The following CACNA2D1 variants were observed in gnomAD, a reference collection of about 807,000 sequenced individuals.
CACNA2D1 encodes calcium voltage-gated channel auxiliary subunit alpha2delta 1.
Under a neutral mutation model 171.5 loss-of-function variants are expected in CACNA2D1, and 53 were observed. The ratio of observed to expected loss-of-function variants is 0.31; its 90% CI spans 0.25 to 0.39. The LOEUF (loss-of-function observed/expected upper bound fraction) is 0.39, where lower values mean the gene tolerates loss of function less well. Among genes scored for constraint, CACNA2D1 ranks in the 10% least tolerant of loss-of-function variants. CACNA2D1 has a pLI of 1.00. For synonymous variants in CACNA2D1, 442 were observed against 443.1 expected (o/e 1.00, Z 0.03); for missense variants, 903 against 1,299.8 (o/e 0.69, Z 4.69).
In CACNA2D1 at chr7:82,133,055, A is replaced by T. The variant is rs184179085; in HGVS notation, c.396+3580T>A. On this transcript the variant is annotated intron_variant, in intron 5 of 38. Transcript: ENST00000356860. ...TGATAATTTATTGGTTTTTTATTTT[A>T]TAAAGCATTCTACAAGTAGAATTAT... Among the ~76,000 whole-genome samples, 418 of 152,274 alleles carry T rather than the reference A, an allele frequency of 2.7e-3. 3 individuals are homozygous for T. Among genetic ancestry groups the T allele is most frequent in the African/African-American group, 9.4e-3 (391 of 41,572 alleles).
At chr7:82,030,412 A>G (rs560034642) in intron 12 of CACNA2D1, among the ~76,000 whole-genome samples, 1 of 151,406 alleles carries the variant, frequency 6.6e-6, no homozygotes, top group Non-Finnish European at 1.5e-5. Flanking sequence ...AACAGGAAAA[A>G]AAAAAACAAA....
At chr7:82,164,765 T>C (rs1160498447) in intron 4 of CACNA2D1, among the ~76,000 whole-genome samples, 1 of 152,044 alleles carries the variant, frequency 6.6e-6, no homozygotes, top group Non-Finnish European at 1.5e-5. Flanking sequence ...GTAAATCTTC[T>C]TAGATTATGC....
intron 3 of CACNA2D1, among the ~76,000 whole-genome samples, chr7:82,284,191 AAAAAAAAAG>A (rs1430394278): frequency 3.2e-4 from 49 of 151,544 alleles, no homozygotes; most frequent in Admixed American, 4.6e-4. Context: ...CCTTCTCCAA[AAAAAAAAAG>A]AAAAAAAAGA....
At chr7:82,369,892 T>C (rs1336802537) in intron 1 of CACNA2D1, among the ~76,000 whole-genome samples, 3 of 152,100 alleles carry the variant, frequency 2.0e-5, no homozygotes, top group Non-Finnish European at 2.9e-5. Flanking sequence ...ACAACTATGA[T>C]TAATATTTTA....
chr7:82,147,385 T>C (rs2129101211), intron 4 of CACNA2D1, among the ~76,000 whole-genome samples: 1 of 152,248 alleles, frequency 6.6e-6, no homozygotes, highest in South Asian at 2.1e-4. Context: ...TATGAGAAGG[T>C]AAATATATTA....
At chr7:82,307,207 G>A (rs1813845593) in intron 3 of CACNA2D1, among the ~76,000 whole-genome samples, 1 of 152,080 alleles carries the variant, frequency 6.6e-6, no homozygotes, top group Non-Finnish European at 1.5e-5. Flanking sequence ...GCCCAGGCTG[G>A]AGTGTAATGG....
chr7:82,134,011 T>A (rs1298494475), intron 5 of CACNA2D1, among the ~76,000 whole-genome samples: 1 of 151,464 alleles, frequency 6.6e-6, no homozygotes, highest in Non-Finnish European at 1.5e-5. Flanking sequence ...AGGTGGAGCT[T>A]GCAGTGAACC....
At chr7:82,316,868 G>A (rs539389403) in intron 3 of CACNA2D1, among the ~76,000 whole-genome samples, 2 of 152,154 alleles carry the variant, frequency 1.3e-5, no homozygotes, top group African/African-American at 4.8e-5. Flanking sequence ...GAACAGTTTT[G>A]GGGAAACTGC....
Position 81,968,975 on chromosome 7 carries a change from T to TAAA in CACNA2D1, c.2309-5_2309-3dup. ...ATTCATAGGCACCAGGTCCACTTTC[T>TAAA]AAAAAAAAAATAAATAAATAAAACA... On this transcript the variant is annotated splice_region_variant and splice_polypyrimidine_tract_variant and intron_variant, in intron 28 of 38. Coordinates refer to ENST00000356860, the MANE Select transcript of CACNA2D1 (RefSeq NM_000722.4). 1 of 1,400,798 alleles carries TAAA rather than the reference T, an allele frequency of 7.1e-7. No individual in the cohort carries two copies. Among genetic ancestry groups the TAAA allele is most frequent in the Non-Finnish European group, 9.9e-7 (1 of 1,014,478 alleles). 86.8% of individuals were successfully genotyped at this position (1,400,798 alleles called of 1,614,324 possible).
intron 4 of CACNA2D1, among the ~76,000 whole-genome samples, chr7:82,169,813 C>T (rs1795831286): frequency 6.6e-6 from 1 of 151,540 alleles, no homozygotes; most frequent in Non-Finnish European, 1.5e-5. Context: ...ACTGTAATCA[C>T]TCAAGTATGT....
At chr7:82,154,826 A>T (rs907742505) in intron 4 of CACNA2D1, among the ~76,000 whole-genome samples, 2 of 152,140 alleles carry the variant, frequency 1.3e-5, no homozygotes, top group African/African-American at 4.8e-5. Context: ...TGTGGTATCT[A>T]TCCATTTATT....
At chr7:82,293,449 T>C (rs1264924387) in intron 3 of CACNA2D1, among the ~76,000 whole-genome samples, 2 of 152,212 alleles carry the variant, frequency 1.3e-5, no homozygotes, top group African/African-American at 4.8e-5. Flanking sequence ...AACAGGTAAG[T>C]AGGGTGTTCA....
intron 7 of CACNA2D1, among the ~76,000 whole-genome samples, chr7:82,083,726 C>T (rs1810091020): frequency 1.3e-5 from 2 of 152,110 alleles, no homozygotes; most frequent in South Asian, 2.1e-4. Flanking sequence ...GCATCTGCAA[C>T]CCTGCAGAAG....
At chr7:82,126,494 T>C (rs1292675998) in intron 5 of CACNA2D1, among the ~76,000 whole-genome samples, 1 of 152,220 alleles carries the variant, frequency 6.6e-6, no homozygotes, top group Non-Finnish European at 1.5e-5. Context: ...TGTAGGCTCT[T>C]TGGAAATAAA....
intron 1 of CACNA2D1, among the ~76,000 whole-genome samples, chr7:82,384,833 C>T (rs926757705): frequency 1.3e-5 from 2 of 152,164 alleles, no homozygotes; most frequent in African/African-American, 4.8e-5. Flanking sequence ...ATATATCTCA[C>T]TGCCAAAAAC....
chr7:81,955,729 G>T (rs1793170155), intron 38 of CACNA2D1, among the ~76,000 whole-genome samples: 1 of 151,624 alleles, frequency 6.6e-6, no homozygotes, highest in Non-Finnish European at 1.5e-5. Flanking sequence ...AAGAAGTAAA[G>T]CAAGTCAATA....
intron 1 of CACNA2D1, among the ~76,000 whole-genome samples, chr7:82,362,774 A>G (rs529272891): frequency 4.0e-4 from 61 of 152,326 alleles, no homozygotes; most frequent in Non-Finnish European, 7.8e-4. Context: ...GTAATAAATA[A>G]TATTTTCAAA....
chr7:81,996,145 A>G (rs896290767), intron 19 of CACNA2D1, among the ~76,000 whole-genome samples: 2 of 152,154 alleles, frequency 1.3e-5, no homozygotes, highest in Non-Finnish European at 2.9e-5. Context: ...TCCTTTCTAT[A>G]TATTATTTCA....
intron 3 of CACNA2D1, among the ~76,000 whole-genome samples, chr7:82,302,996 T>C (rs959358820): frequency 2.0e-5 from 3 of 152,074 alleles, no homozygotes; most frequent in African/African-American, 4.8e-5. Flanking sequence ...TCTGTTTTTT[T>C]GTTTGTTTGT....
Sources: allele counts gnomAD v4.1 joint callset (sites outside exome capture counted in the v4.1 genomes callset), GRCh38; gene constraint gnomAD v4.1.1; transcripts MANE v1.5; gene names NCBI Gene and HGNC (gene_info 2026-07-23, HGNC 2026-07-21).